RSAD2: variants seen among roughly 807,000 people sequenced by gnomAD.
RSAD2 encodes radical S-adenosyl methionine domain containing 2, also known as S-adenosylmethionine-dependent nucleotide dehydratase RSAD2.
In RSAD2, 38 loss-of-function variants were observed where a neutral mutation model predicts 37.7. That is an observed-to-expected ratio of 1.01 (90% confidence interval 0.78 to 1.32). The LOEUF is 1.32. Among genes scored for constraint, RSAD2 ranks in the 40% most tolerant of loss-of-function variants. RSAD2 has a pLI of 0.00. For missense variants in RSAD2, 428 were observed against 437.5 expected, an observed-to-expected ratio of 0.98 and a Z score of 0.19; for synonymous variants, 163 against 157.4, an observed-to-expected ratio of 1.04 and a Z score of -0.27.
chr2:6,880,287 C>A (rs914159737), intron 1 of RSAD2, among the ~76,000 whole-genome samples: 1 of 152,108 alleles, frequency 6.6e-6, no homozygotes, highest in Admixed American at 6.5e-5. Flanking sequence ...AGAAAAAAAA[C>A]CTGAGAGGGG....
chr2:6,883,800 T>C lies in RSAD2; in HGVS notation c.508+268T>C, dbSNP rs563958142. 3 of 392,640 alleles carry C rather than the reference T, an allele frequency of 7.6e-6. No homozygotes were observed. The Admixed American group carries it at 1.2e-4, about 16-fold the overall frequency. 24.3% of individuals were successfully genotyped at this position (392,640 alleles called of 1,614,324 possible). On this transcript the variant is annotated intron_variant, in intron 2 of 5. Coordinates refer to ENST00000382040, the MANE Select transcript of RSAD2 (RefSeq NM_080657.5). The stretch of plus-strand genomic sequence containing the variant: ...ATCTTGTACATTGCAATTTAGCAAA[T>C]ACAAGATCTATGGCCTTAGTTTAGA...
chr2:6,890,092 T>A (rs929118959), intron 3 of RSAD2, 84 bp from the exon 4 acceptor site: 2 of 1,328,128 alleles, frequency 1.5e-6, no homozygotes, highest in Non-Finnish European at 1.1e-6. Context: ...TCAGAAGAGA[T>A]GAAGCTTGAA....
intron 1 of RSAD2, chr2:6,878,996 C>T: frequency 2.0e-6 from 1 of 499,268 alleles, no homozygotes; most frequent in South Asian, 1.5e-5. Context: ...AGAGAGAAAG[C>T]ATCACCAGCG....
intron 1 of RSAD2, among the ~76,000 whole-genome samples, chr2:6,879,389 T>C (rs1159644731): frequency 6.6e-6 from 1 of 152,166 alleles, no homozygotes; most frequent in Admixed American, 6.5e-5. Context: ...GCAAGCTCAA[T>C]GTTGCTCTCA....
At chr2:6,877,635 C>T (rs930761229), upstream of RSAD2, 4 of 606,250 alleles carry the variant, frequency 6.6e-6, no homozygotes, top group African/African-American at 5.6e-5. Context: ...TTTCAACTTT[C>T]AGTTTCACAT....
At chr2:6,875,456 G>A (rs1663265867), upstream of RSAD2, among the ~76,000 whole-genome samples, 1 of 152,136 alleles carries the variant, frequency 6.6e-6, no homozygotes, top group African/African-American at 2.4e-5. Flanking sequence ...GCTTTCCATG[G>A]ACCCTCCCTG....
upstream of RSAD2, among the ~76,000 whole-genome samples, chr2:6,876,103 G>A (rs79038721): frequency 9.3e-3 from 1,417 of 152,274 alleles, 10 homozygotes; most frequent in African/African-American, 0.033. Context: ...TTTCCACAGG[G>A]TAAATACTTC....
At chr2:6,871,849 ATAT>A (rs751285729) in intron 1 of RSAD2, among the ~76,000 whole-genome samples, 6 of 152,216 alleles carry the variant, frequency 3.9e-5, no homozygotes, top group Admixed American at 2.0e-4. Context: ...GACTAGTCTA[ATAT>A]TGTTTGTTTG....
rs1663770359 is a variant in RSAD2, at chr2:6,896,130, G to C, written c.*188G>C. Reference sequence around the variant, plus strand: ...TTGGATAGCAAATCCTGAGACAATGGAAAACCATTAACTTTACTTCATTGG... The same window carrying C: ...TTGGATAGCAAATCCTGAGACAATGCAAAACCATTAACTTTACTTCATTGG... On this transcript the variant is annotated 3_prime_UTR_variant, in exon 6 of 6. Coordinates refer to ENST00000382040, the MANE Select transcript of RSAD2 (RefSeq NM_080657.5). The C allele has an allele frequency of 5.7e-6, 3 of 528,318 alleles. No homozygotes were observed. The allele number at this position is 528,318 out of a possible 1,614,324, so 32.7% of individuals were successfully genotyped here. A position where few individuals can be genotyped will look rare whatever the true frequency, so the allele number is the denominator to read the frequency against.
At chr2:6,887,232 A>G in intron 3 of RSAD2, 68 bp downstream of exon 3, 1 of 1,191,616 alleles carries the variant, frequency 8.4e-7, no homozygotes, top group Non-Finnish European at 1.2e-6. Flanking sequence ...TTTTTCAATG[A>G]AACTGAAAAC....
At chr2:6,868,578 G>A (rs566125243) in intron 1 of RSAD2, among the ~76,000 whole-genome samples, 1 of 152,190 alleles carries the variant, frequency 6.6e-6, no homozygotes, top group Non-Finnish European at 1.5e-5. Context: ...GGGCTAAAAA[G>A]CACTGAGCAA....
chr2:6,876,692 T>C (rs1663287946), upstream of RSAD2: 1 of 152,166 alleles, frequency 6.6e-6, no homozygotes, highest in Non-Finnish European at 1.5e-5. Context: ...TTAAGTAAAA[T>C]AAATCATTTC....
At position 6,895,806 on chromosome 2, in the gene RSAD2, G is replaced by A. The variant is rs550293482; in HGVS notation, c.950G>A (p.Arg317Gln). Residue 317 changes from arginine to glutamine, a missense_variant, in exon 6 of 6, where the codon CGG becomes CAG. Transcript: ENST00000382040. ...YMRFLNCRKG[R>Q]KDPSKSILDV... The stretch of plus-strand genomic sequence containing the variant: ...CGCTTTCTGAACTGTAGAAAGGGAC[G>A]GAAGGACCCTTCCAAGTCCATCCTG... The A allele has an allele frequency of 1.9e-5, 31 of 1,613,988 alleles. No individual in the cohort carries two copies. The East Asian group carries it at 3.6e-4, about 19-fold the overall frequency.
chr2:6,874,068 T>C (rs571140497), upstream of RSAD2, among the ~76,000 whole-genome samples: 9 of 152,332 alleles, frequency 5.9e-5, no homozygotes, highest in East Asian at 1.9e-4. Flanking sequence ...AACTTGGTAC[T>C]GTCCCCAGGA....
At chr2:6,877,707 C>A (rs1334467396), upstream of RSAD2, 2 of 908,210 alleles carry the variant, frequency 2.2e-6, no homozygotes, top group African/African-American at 1.7e-5. Context: ...TCCTGCTCCC[C>A]AATGACAGGT....
chr2:6,870,951 C>G (rs955104330), intron 1 of RSAD2, among the ~76,000 whole-genome samples: 1 of 152,108 alleles, frequency 6.6e-6, no homozygotes, highest in Non-Finnish European at 1.5e-5. Flanking sequence ...AGTCTCTGGA[C>G]AAAAATTACC....
At chr2:6,878,252 C>T (rs1289165548) in intron 1 of RSAD2, 106 bp downstream of exon 1, 1 of 890,340 alleles carries the variant, frequency 1.1e-6, no homozygotes, top group African/African-American at 1.7e-5. Flanking sequence ...TTCTCCAAAG[C>T]TTGAGGTCAC....
At chr2:6,879,623 C>A (rs1190761173) in intron 1 of RSAD2, among the ~76,000 whole-genome samples, 1 of 151,948 alleles carries the variant, frequency 6.6e-6, no homozygotes, top group East Asian at 1.9e-4. Context: ...GAGCTTATAG[C>A]AGTTGGTACA....
chr2:6,877,766 A>C (rs761834715), upstream of RSAD2: 1 of 1,521,754 alleles, frequency 6.6e-7, no homozygotes, highest in African/African-American at 1.4e-5. Context: ...AGTCCCTGGC[A>C]TACAGAGACT....
Sources: allele counts gnomAD v4.1 joint callset (sites outside exome capture counted in the v4.1 genomes callset), GRCh38; gene constraint gnomAD v4.1.1; transcripts MANE v1.5; gene names NCBI Gene and HGNC (gene_info 2026-07-23, HGNC 2026-07-21).